Variants in SRGAP3 observed in about 807,000 individuals in gnomAD.
The protein encoded by SRGAP3 is SLIT-ROBO Rho GTPase activating protein 3, also known as SLIT-ROBO Rho GTPase-activating protein 3.
SRGAP3 carries 39 observed loss-of-function variants against 121.1 expected under a neutral mutation model. That is an observed-to-expected ratio of 0.32 (90% CI 0.25 to 0.42). The LOEUF (loss-of-function observed/expected upper bound fraction) is 0.42. Ranked by LOEUF, SRGAP3 falls within the 10% of genes least tolerant of loss-of-function variation. The pLI, the probability that SRGAP3 is intolerant of heterozygous loss-of-function variation, is 1.00. For synonymous variants in SRGAP3, 601 were observed against 570.0 expected (o/e 1.05, Z -0.77); for missense variants, 1,213 against 1,470.6 (o/e 0.82, Z 2.86).
At chr3:9,194,420 TCAG>T (rs1453434118) in intron 1 of SRGAP3, 1 of 152,232 alleles carries the variant, frequency 6.6e-6, no homozygotes, top group Admixed American at 6.5e-5. Flanking sequence ...TGTCTTCTAT[TCAG>T]TAGGTGCTCA....
At chr3:9,059,677 G>GATCT in intron 6 of SRGAP3, 2 of 202,558 alleles carry the variant, frequency 9.9e-6, no homozygotes, top group South Asian at 9.2e-5. Flanking sequence ...GTCCTGCACA[G>GATCT]CGGGTACTCG....
chr3:9,124,961 CG>C (rs1560206843), intron 1 of SRGAP3, 44 bp from the exon 2 acceptor site: 1 of 1,611,002 alleles, frequency 6.2e-7, no homozygotes, highest in Non-Finnish European at 8.5e-7. Context: ...GTGGTGGGGA[CG>C]GGGGCACTGG....
rs143953254 is a variant in SRGAP3 at position 9,211,125 on chromosome 3, A to T, written c.67+37760T>A. Reference sequence around the variant, plus strand: ...TTGCTACACGTTTGAACATTTTCTTAGTAAGGTGTTGAGGGGGGAGAAGTG... The same window carrying T: ...TTGCTACACGTTTGAACATTTTCTTTGTAAGGTGTTGAGGGGGGAGAAGTG... On this transcript the variant is annotated intron_variant, in intron 1 of 21. Coordinates refer to ENST00000383836, the MANE Select transcript of SRGAP3 (RefSeq NM_014850.4). Among the ~76,000 whole-genome samples the T allele has an allele frequency of 2.4e-4, 37 of 152,298 alleles. No individual in the cohort carries two copies. In the East Asian group the frequency reaches 6.9e-3, roughly 29 times the overall value.
At position 9,058,341 on chromosome 3, in the gene SRGAP3, G is replaced by A. The variant is rs1215887730; in HGVS notation, c.933C>T (p.Ser311=). The A allele has an allele frequency of 2.5e-6, 4 of 1,614,230 alleles. No individual in the cohort carries two copies. In the Admixed American group the frequency reaches 6.7e-5, roughly 27 times the overall value. Residue 311 remains serine, a synonymous_variant, in exon 7 of 22, where the codon TCC becomes TCT. Transcript: ENST00000383836. ...CCATGACTGTGTGCTTGTCACTTCGGGAATCCAGGTTGTCCACTGCATTCT... is the reference window on the plus strand; with the variant it reads ...CCATGACTGTGTGCTTGTCACTTCGAGAATCCAGGTTGTCCACTGCATTCT... ...VIENAVDNLD[S]RSDKHTVMDM...
intron 1 of SRGAP3, among the ~76,000 whole-genome samples, chr3:9,228,792 TG>T (rs1180591650): frequency 2.0e-5 from 3 of 152,110 alleles, no homozygotes; most frequent in Non-Finnish European, 4.4e-5. Flanking sequence ...CCGGGCGCGG[TG>T]GGCTCACGCC....
chr3:9,248,836 G>A (rs1953917779), intron 1 of SRGAP3, 49 bp downstream of exon 1: 5 of 1,594,574 alleles, frequency 3.1e-6, no homozygotes, highest in Non-Finnish European at 4.3e-6. Flanking sequence ...CAGAACAAGA[G>A]AAAAACGAAA....
At chr3:9,256,409 C>T (rs1954133424) in intron 3 of SRGAP3, among the ~76,000 whole-genome samples, 1 of 152,196 alleles carries the variant, frequency 6.6e-6, no homozygotes, top group African/African-American at 2.4e-5. Flanking sequence ...AAATATCTCC[C>T]ACTGTAGAGG....
chr3:9,117,862 T>C (rs1160188485), intron 2 of SRGAP3, among the ~76,000 whole-genome samples: 1 of 152,166 alleles, frequency 6.6e-6, no homozygotes, highest in Non-Finnish European at 1.5e-5. Flanking sequence ...GTTCTGCCTA[T>C]AATCGCAGTG....
intron 3 of SRGAP3, among the ~76,000 whole-genome samples, chr3:9,274,817 C>T (rs1023928580): frequency 2.6e-5 from 4 of 152,208 alleles, no homozygotes; most frequent in African/African-American, 7.2e-5. Flanking sequence ...TCCAAAGCTA[C>T]ATCATCAAGC....
At chr3:9,015,528 G>A (rs778380151) in intron 15 of SRGAP3, 69 bp downstream of exon 15, 28 of 1,599,822 alleles carry the variant, frequency 1.8e-5, no homozygotes, top group Non-Finnish European at 2.3e-5. Flanking sequence ...TAGCACAGCA[G>A]TAAGCCTGTA....
chr3:9,303,132 G>A (rs1047585007), intron 3 of SRGAP3, among the ~76,000 whole-genome samples: 1 of 151,674 alleles, frequency 6.6e-6, no homozygotes, highest in Non-Finnish European at 1.5e-5. Context: ...TTTAATTGTG[G>A]CAAGAACACG....
At chr3:9,085,981 A>T (rs1180544253) in intron 3 of SRGAP3, among the ~76,000 whole-genome samples, 1 of 152,300 alleles carries the variant, frequency 6.6e-6, no homozygotes, top group East Asian at 1.9e-4. Flanking sequence ...TAAAAATTTT[A>T]AAAAAGCTCC....
At chr3:9,155,122 A>G (rs1279729051) in intron 1 of SRGAP3, among the ~76,000 whole-genome samples, 1 of 150,888 alleles carries the variant, frequency 6.6e-6, no homozygotes, top group Non-Finnish European at 1.5e-5. Context: ...TTCTTTTTGT[A>G]TATTTGAAAG....
At chr3:9,058,065 G>T (rs1945916504) in intron 7 of SRGAP3, among the ~76,000 whole-genome samples, 186 bp downstream of exon 7, 3 of 152,322 alleles carry the variant, frequency 2.0e-5, no homozygotes, top group East Asian at 3.9e-4. Flanking sequence ...TGCACGGGGG[G>T]CACCTGAGAC....
intron 3 of SRGAP3, among the ~76,000 whole-genome samples, chr3:9,297,916 A>C (rs1371202773): frequency 6.6e-6 from 1 of 151,830 alleles, no homozygotes; most frequent in Non-Finnish European, 1.5e-5. Flanking sequence ...AAAGAGAAAG[A>C]GAGTATGAAA....
chr3:9,033,142 G>A (rs1386408062), intron 11 of SRGAP3, among the ~76,000 whole-genome samples: 1 of 152,244 alleles, frequency 6.6e-6, no homozygotes, highest in East Asian at 1.9e-4. Flanking sequence ...AAAAATGATT[G>A]TGAGGGTTAA....
intron 18 of SRGAP3, among the ~76,000 whole-genome samples, chr3:9,005,867 C>A (rs997647327): frequency 6.6e-6 from 1 of 152,088 alleles, no homozygotes; most frequent in Non-Finnish European, 1.5e-5. Flanking sequence ...GATGGTTGCA[C>A]ATATCTGTGA....
intron 14 of SRGAP3, among the ~76,000 whole-genome samples, chr3:9,019,483 T>C (rs757014266): frequency 6.6e-6 from 1 of 152,180 alleles, no homozygotes; most frequent in Non-Finnish European, 1.5e-5. Context: ...TGAATTTCCA[T>C]GGGGGAGGTG....
At chr3:9,162,971 T>C (rs1473820622) in intron 1 of SRGAP3, among the ~76,000 whole-genome samples, 1 of 152,218 alleles carries the variant, frequency 6.6e-6, no homozygotes, top group Non-Finnish European at 1.5e-5. Context: ...GCTCTGTGAT[T>C]TTGAGAAAGT....
Sources: allele counts gnomAD v4.1 joint callset (sites outside exome capture counted in the v4.1 genomes callset), GRCh38; gene constraint gnomAD v4.1.1; transcripts MANE v1.5; gene names NCBI Gene and HGNC (gene_info 2026-07-23, HGNC 2026-07-21).